COX10: variants seen among roughly 807,000 people sequenced by gnomAD.
The protein encoded by COX10 is cytochrome c oxidase assembly factor heme A:farnesyltransferase COX10, also known as protoheme IX farnesyltransferase, mitochondrial.
COX10 carries 27 observed loss-of-function variants against 37.3 expected under a neutral mutation model. The observed-to-expected ratio is 0.72, with a 90% confidence interval of 0.53 to 1.00. COX10 has a LOEUF of 1.00. Among genes scored for constraint, COX10 ranks in the 50% least tolerant of loss-of-function variants. COX10 has a pLI of 0.00. For missense variants in COX10, 475 were observed against 563.2 expected (o/e 0.84, Z 1.59); for synonymous variants, 222 against 229.1 (o/e 0.97, Z 0.28).
rs1181052014 is a variant in COX10 at position 14,174,325 on chromosome 17, G to A, written c.695+14378G>A. 8.8e-3 allele frequency among the ~76,000 whole-genome samples: 1,331 copies of A among 151,464 alleles called. 15 individuals carry two copies. Among genetic ancestry groups the A allele is most frequent in the Middle Eastern group, 0.017 (5 of 294 alleles). On this transcript the variant is annotated intron_variant, in intron 5 of 6. Transcript: ENST00000261643. ...ATTTTTTTAAAAAATTAGGTATGGT[G>A]GCATGTGCCTGTAGTCCCAACTACT...
chr17:14,084,811 C>A (rs1418226280), intron 3 of COX10, among the ~76,000 whole-genome samples: 1 of 152,124 alleles, frequency 6.6e-6, no homozygotes, highest in Non-Finnish European at 1.5e-5. Context: ...TAGGTGCCTG[C>A]CACCACGCCA....
At chr17:14,127,925 G>A (rs1321461721) in intron 4 of COX10, among the ~76,000 whole-genome samples, 2 of 98,424 alleles carry the variant, frequency 2.0e-5, no homozygotes, top group African/African-American at 6.3e-5. Context: ...AAGAGTGTGT[G>A]TATGTGTGTG....
At chr17:14,203,443 T>C (rs1449850935) in intron 6 of COX10, among the ~76,000 whole-genome samples, 1 of 152,162 alleles carries the variant, frequency 6.6e-6, no homozygotes, top group Non-Finnish European at 1.5e-5. Context: ...TTAAACCATC[T>C]GTACCCACAC....
chr17:14,181,229 G>A (rs1905848458), intron 5 of COX10, among the ~76,000 whole-genome samples: 1 of 152,210 alleles, frequency 6.6e-6, no homozygotes, highest in African/African-American at 2.4e-5. Context: ...GGGCAAAGGA[G>A]CTAGATGCAC....
At chr17:14,104,460 TAAAG>T (rs1915849324) in intron 4 of COX10, among the ~76,000 whole-genome samples, 1 of 152,060 alleles carries the variant, frequency 6.6e-6, no homozygotes. Flanking sequence ...AGCATATAAA[TAAAG>T]AAATAGTCCT....
chr17:14,169,962 G>A (rs1006806278), intron 5 of COX10, among the ~76,000 whole-genome samples: 4 of 152,168 alleles, frequency 2.6e-5, no homozygotes, highest in Non-Finnish European at 4.4e-5. Context: ...TAGTTCTCAT[G>A]GGAATGGGTT....
At chr17:14,155,160 T>G (rs1337573379) in intron 4 of COX10, among the ~76,000 whole-genome samples, 1 of 152,088 alleles carries the variant, frequency 6.6e-6, no homozygotes, top group Non-Finnish European at 1.5e-5. Flanking sequence ...TTAGATATAG[T>G]TGGCCAATGC....
At chr17:14,116,061 G>A (rs1409506646) in intron 4 of COX10, among the ~76,000 whole-genome samples, 1 of 152,038 alleles carries the variant, frequency 6.6e-6, no homozygotes, top group Non-Finnish European at 1.5e-5. Flanking sequence ...TTAAGCTAAA[G>A]TTAATGGCAA....
intron 5 of COX10, among the ~76,000 whole-genome samples, chr17:14,172,227 A>G (rs1905492092): frequency 6.6e-6 from 1 of 152,144 alleles, no homozygotes; most frequent in Non-Finnish European, 1.5e-5. Context: ...ACATGAGTAC[A>G]GGTATCTTTT....
At chr17:14,087,490 C>T (rs543865015) in intron 3 of COX10, among the ~76,000 whole-genome samples, 29 of 152,078 alleles carry the variant, frequency 1.9e-4, no homozygotes, top group Non-Finnish European at 3.5e-4. Flanking sequence ...ACGTAGTAAG[C>T]GCTCATTGTG....
In COX10 at chr17:14,105,982, G is replaced by C. The variant is rs374715565; in HGVS notation, c.624+3740G>C. On this transcript the variant is annotated intron_variant, in intron 4 of 6. Transcript: ENST00000261643. ...TAAAATAGTATGTCATGGACATCTC[G>C]CCATGTCAGTATTTGGTATAGCATG... is the stretch of plus-strand genomic sequence containing the variant. 2.2e-4 allele frequency among the ~76,000 whole-genome samples: 33 copies of C among 150,798 alleles called. 1 individual carries two copies. In the South Asian group the frequency reaches 6.6e-3, roughly 30 times the overall value.
intron 4 of COX10, among the ~76,000 whole-genome samples, chr17:14,110,146 T>A (rs1478701480): frequency 6.6e-6 from 1 of 152,108 alleles, no homozygotes; most frequent in Admixed American, 6.6e-5. Context: ...GAATTTCAGA[T>A]CTGAGAAGCA....
intron 4 of COX10, among the ~76,000 whole-genome samples, chr17:14,110,361 A>G (rs1915983524): frequency 6.6e-6 from 1 of 152,112 alleles, no homozygotes; most frequent in Admixed American, 6.6e-5. Context: ...TTCGGTAAGC[A>G]TTGTGGAATT....
chr17:14,130,257 C>T (rs1433924294), intron 4 of COX10, among the ~76,000 whole-genome samples: 2 of 152,014 alleles, frequency 1.3e-5, no homozygotes, highest in African/African-American at 4.8e-5. Flanking sequence ...ACTAAAGGCA[C>T]TGGATATGTG....
chr17:14,078,913 A>G lies in COX10; in HGVS notation c.499+1857A>G, dbSNP rs180931754. ...TTGAGGCCAGTCCTTTCACCCCACCATATTTGTTCCCCCGCCTCCATGGGA... is the reference window on the plus strand; with the variant it reads ...TTGAGGCCAGTCCTTTCACCCCACCGTATTTGTTCCCCCGCCTCCATGGGA... On this transcript the variant is annotated intron_variant, in intron 3 of 6. Transcript: ENST00000261643. 8.7e-3 allele frequency among the ~76,000 whole-genome samples: 1,327 copies of G among 151,740 alleles called. 9 individuals are homozygous for G. Among genetic ancestry groups the G allele is most frequent in the Non-Finnish European group, 0.014 (964 of 67,906 alleles).
At chr17:14,076,226 C>G (rs887416583) in intron 2 of COX10, among the ~76,000 whole-genome samples, 14 of 150,802 alleles carry the variant, frequency 9.3e-5, no homozygotes, top group African/African-American at 3.4e-4. Flanking sequence ...CTTAGCCTCC[C>G]GAGTAGCTGG....
At chr17:14,109,336 C>A (rs1353528342) in intron 4 of COX10, among the ~76,000 whole-genome samples, 3 of 152,134 alleles carry the variant, frequency 2.0e-5, no homozygotes, top group African/African-American at 7.2e-5. Flanking sequence ...CAAATAATTT[C>A]TAAATTACAT....
At chr17:14,080,328 A>G (rs960000934) in intron 3 of COX10, among the ~76,000 whole-genome samples, 1 of 145,640 alleles carries the variant, frequency 6.9e-6, no homozygotes, top group Non-Finnish European at 1.5e-5. Context: ...GGTTCACATC[A>G]TTCTCCTTCC....
intron 6 of COX10, 49 bp from the exon 7 acceptor site, chr17:14,206,761 C>A (rs569443344): frequency 6.2e-7 from 1 of 1,610,236 alleles, no homozygotes; most frequent in Non-Finnish European, 8.5e-7. Flanking sequence ...TTGGAAATCT[C>A]TGGTGATGAC....
Sources: gnomAD v4.1 joint callset for allele counts (sites outside exome capture counted in the v4.1 genomes callset) on GRCh38, gnomAD v4.1.1 for gene constraint, MANE v1.5 for transcripts, NCBI Gene and HGNC (gene_info 2026-07-23, HGNC 2026-07-21) for gene names.